Variants in PCSK6 observed in about 807,000 individuals in gnomAD.
PCSK6 encodes the protein proprotein convertase subtilisin/kexin type 6, also known as paired basic amino acid cleaving enzyme 4.
A neutral mutation model predicts 123.3 loss-of-function variants in PCSK6; 85 were observed. That is an observed-to-expected ratio of 0.69 (90% CI 0.58 to 0.83). The LOEUF is 0.83. Ranked by LOEUF, PCSK6 falls within the 40% of genes least tolerant of loss-of-function variation. PCSK6 has a pLI of 0.00. For missense variants in PCSK6, 1,191 were observed against 1,282.3 expected (o/e 0.93, Z 1.09); for synonymous variants, 508 against 516.0 (o/e 0.98, Z 0.21).
At chr15:101,342,578 A>T (rs1177506870) in intron 13 of PCSK6, among the ~76,000 whole-genome samples, 2 of 152,236 alleles carry the variant, frequency 1.3e-5, no homozygotes, top group African/African-American at 2.4e-5. Flanking sequence ...CTCCATTCTC[A>T]TATGTGCTCT....
At chr15:101,318,963 C>T (rs1305982011) in intron 18 of PCSK6, among the ~76,000 whole-genome samples, 1 of 152,242 alleles carries the variant, frequency 6.6e-6, no homozygotes, top group Non-Finnish European at 1.5e-5. Flanking sequence ...TCAGATGCAG[C>T]CCCTACCTTC....
intron 1 of PCSK6, among the ~76,000 whole-genome samples, chr15:101,463,544 A>T (rs1005297586): frequency 1.3e-5 from 2 of 152,082 alleles, no homozygotes; most frequent in African/African-American, 2.4e-5. Flanking sequence ...TCCTGCTGAG[A>T]CCTCCACTGA....
chr15:101,381,230 G>C (rs559409089), intron 11 of PCSK6, among the ~76,000 whole-genome samples: 59 of 152,224 alleles, frequency 3.9e-4, no homozygotes, highest in Non-Finnish European at 6.6e-4. Flanking sequence ...TGGGCATGGT[G>C]GTGGGTGCCT....
Position 101,463,309 on chromosome 15 carries a change from T to C in PCSK6, c.298-19649A>G, listed in dbSNP as rs534536706. On this transcript the variant is annotated intron_variant, in intron 1 of 21. Coordinates refer to ENST00000611716, the MANE Select transcript of PCSK6 (RefSeq NM_002570.5). The stretch of plus-strand genomic sequence containing the variant: ...CTGCCCCCTTCTACAGGGTAACTTC[T>C]GGCTGGCCGTGTTTCTCCCCGAATA... Among the ~76,000 whole-genome samples, 10 of 152,290 alleles carry C rather than the reference T, an allele frequency of 6.6e-5. No homozygotes were observed. The East Asian group carries it at 1.5e-3, about 24-fold the overall frequency.
At chr15:101,457,148 A>G (rs777615405) in intron 1 of PCSK6, among the ~76,000 whole-genome samples, 2 of 152,106 alleles carry the variant, frequency 1.3e-5, no homozygotes, top group South Asian at 2.1e-4. Context: ...CTCCAGCCTG[A>G]GCAACAGAGT....
intron 9 of PCSK6, among the ~76,000 whole-genome samples, chr15:101,386,741 T>C (rs1398887454): frequency 6.6e-6 from 1 of 152,256 alleles, no homozygotes; most frequent in Non-Finnish European, 1.5e-5. Flanking sequence ...TCGTCCATCA[T>C]GGACACTCGG....
intron 9 of PCSK6, among the ~76,000 whole-genome samples, chr15:101,388,244 A>G (rs2042127502): frequency 6.6e-6 from 1 of 152,212 alleles, no homozygotes; most frequent in Admixed American, 6.5e-5. Flanking sequence ...AAAATATCAA[A>G]CTGTTCCTTT....
At chr15:101,483,845 G>A (rs187721823) in intron 1 of PCSK6, among the ~76,000 whole-genome samples, 2 of 152,232 alleles carry the variant, frequency 1.3e-5, no homozygotes, top group Non-Finnish European at 2.9e-5. Context: ...TTGACAAGTG[G>A]ATCGGCCCAG....
At chr15:101,313,775 T>C in intron 19 of PCSK6, 1 of 400,790 alleles carries the variant, frequency 2.5e-6, no homozygotes, top group Non-Finnish European at 4.5e-6. Context: ...GCCACGATGA[T>C]GGGCCCTGTT....
In PCSK6 at chr15:101,378,620, G is replaced by A. The variant is rs572388346; in HGVS notation, c.1532+3472C>T. 1.8e-4 allele frequency among the ~76,000 whole-genome samples: 28 copies of A among 152,328 alleles called. 1 individual carries two copies. The highest frequency in any genetic ancestry group is 7.7e-4 in the East Asian group (4 of 5,180). The stretch of plus-strand genomic sequence containing the variant: ...TAAAGAGACTGCCCAGCACGATCCC[G>A]TGGTACCTTGGAGCAGGGGGCCTGG... On this transcript the variant is annotated intron_variant, in intron 11 of 21. Coordinates refer to ENST00000611716, the MANE Select transcript of PCSK6 (RefSeq NM_002570.5).
chr15:101,342,925 G>A (rs11854307), intron 13 of PCSK6, among the ~76,000 whole-genome samples: 25,525 of 151,138 alleles, frequency 0.17, 2,405 homozygotes, highest in African/African-American at 0.24. Context: ...ACCAAACTCT[G>A]GCTTCATTCA....
rs186483745 is a variant in PCSK6 at position 101,310,329 on chromosome 15, G to A, written c.2700-3004C>T. 5.5e-4 allele frequency among the ~76,000 whole-genome samples: 84 copies of A among 152,290 alleles called. 1 individual carries two copies. The highest frequency in any genetic ancestry group is 1.9e-3 in the African/African-American group (81 of 41,556). On this transcript the variant is annotated intron_variant, in intron 20 of 21. Coordinates refer to ENST00000611716, the MANE Select transcript of PCSK6 (RefSeq NM_002570.5). ...TGCCCAAAGAGAGGTTTGCGGTGGG[G>A]CTGCCCGCCTGCTGCCTCCTGAGGG...
At chr15:101,347,850 G>C in intron 13 of PCSK6, 7 of 1,246,146 alleles carry the variant, frequency 5.6e-6, no homozygotes, top group Non-Finnish European at 5.9e-6. Context: ...AGGGCAACAG[G>C]AGTGGAGGGC....
intron 6 of PCSK6, among the ~76,000 whole-genome samples, chr15:101,405,045 C>T (rs567532886): frequency 3.3e-5 from 5 of 152,286 alleles, no homozygotes; most frequent in South Asian, 4.1e-4. Flanking sequence ...GCAAGCATCA[C>T]GCGCTTAGAT....
rs12594500 is a variant in PCSK6 at position 101,327,677 on chromosome 15, C to T, written c.2078-1198G>A. Among the ~76,000 whole-genome samples the T allele has an allele frequency of 8.7e-3, 1,319 of 152,296 alleles. 74 individuals are homozygous for T. The East Asian group carries it at 0.14, about 16-fold the overall frequency. On this transcript the variant is annotated intron_variant, in intron 15 of 21. Coordinates refer to ENST00000611716, the MANE Select transcript of PCSK6 (RefSeq NM_002570.5). Reference sequence around the variant, plus strand: ...TGAGGAAAAGACAAAAGTCCTCATTCTCTGCTGCCCACAGTGGGGTTTTGC... The same window carrying T: ...TGAGGAAAAGACAAAAGTCCTCATTTTCTGCTGCCCACAGTGGGGTTTTGC...
chr15:101,396,495 G>A (rs1008559088), intron 7 of PCSK6, among the ~76,000 whole-genome samples: 2 of 152,084 alleles, frequency 1.3e-5, no homozygotes, highest in East Asian at 1.9e-4. Context: ...CAGGAAACCC[G>A]CCCTCCAGCT....
Position 101,373,232 on chromosome 15 carries a change from GCGGGAGCACCCAGCTCCT to G in PCSK6, c.1533-2727_1533-2710del, listed in dbSNP as rs372537897. 6.2e-4 allele frequency among the ~76,000 whole-genome samples: 94 copies of G among 152,312 alleles called. 1 individual carries two copies. Among genetic ancestry groups the G allele is most frequent in the African/African-American group, 2.1e-3 (89 of 41,576 alleles). ...CTGCCTGCAGGGAGGCTGGCTGGGG[GCGGGAGCACCCAGCTCCT>G]GCAGGAGTTAATGGCCTCACTTCGT... On this transcript the variant is annotated intron_variant, in intron 11 of 21. Coordinates refer to ENST00000611716, the MANE Select transcript of PCSK6 (RefSeq NM_002570.5).
At chr15:101,345,289 A>T (rs554000330) in intron 13 of PCSK6, among the ~76,000 whole-genome samples, 8 of 152,244 alleles carry the variant, frequency 5.3e-5, no homozygotes, top group Non-Finnish European at 1.2e-4. Flanking sequence ...AAAGTCCACG[A>T]CATCTTTTAA....
Position 101,305,281 on chromosome 15 carries a change from G to A in PCSK6, c.2887C>T (p.Arg963Cys), listed in dbSNP as rs773008556. The change falls in exon 22 of 22, where the codon CGC becomes TGC. Residue 963 changes from arginine (R) to cysteine (C), a missense_variant. This residue lies in a region of PCSK6 where 630 missense variants were observed against 631.4 expected (regional missense o/e 1.00). Coordinates refer to ENST00000611716, the MANE Select transcript of PCSK6 (RefSeq NM_002570.5). The surrounding 1 kb of genome is among the most constrained non-coding windows in gnomAD (Gnocchi z 4.8). ...CCTTACCCGGCCAGGAGGCACGTGC[G>A]GCAGCAGAACTGAATGAAGAGCTTC... ...ERKLFIQFCC[R>C]TCLLAG is the part of the protein sequence containing the mutation. The A allele has an allele frequency of 6.8e-6, 11 of 1,611,956 alleles. No homozygotes were observed. The highest frequency in any genetic ancestry group is 2.2e-5 in the South Asian group (2 of 90,942).
Sources: allele counts gnomAD v4.1 joint callset (sites outside exome capture counted in the v4.1 genomes callset), GRCh38; gene constraint gnomAD v4.1.1; regional missense constraint gnomAD v4.1.1; non-coding constraint Gnocchi (gnomAD v3.1); transcripts MANE v1.5; gene names NCBI Gene and HGNC (gene_info 2026-07-23, HGNC 2026-07-21).